Variants in SIPA1L2 observed in about 807,000 individuals in gnomAD.
The protein encoded by SIPA1L2 is signal-induced proliferation-associated 1-like protein 2.
In SIPA1L2, 56 loss-of-function variants were observed where a neutral mutation model predicts 163.9. That is an observed-to-expected ratio of 0.34 (90% CI 0.28 to 0.43). The LOEUF (loss-of-function observed/expected upper bound fraction) is 0.43, where lower values mean the gene tolerates loss of function less well. SIPA1L2 is among the 20% of genes least tolerant of loss of function. The pLI is 1.00. For synonymous variants in SIPA1L2, 877 were observed against 865.7 expected, an observed-to-expected ratio of 1.01 and a Z score of -0.23; for missense variants, 1,974 against 2,193.5, an observed-to-expected ratio of 0.90 and a Z score of 2.00.
chr1:232,486,409 C>G lies in SIPA1L2; in HGVS notation c.1807-2443G>C, dbSNP rs116193349. ...ACACCAGCCTGTGTCTAGATCCTAA[C>G]AGGATCTAGAACAGGATTTGCATTT... On this transcript the variant is annotated intron_variant, in intron 5 of 22. Transcript: ENST00000674635. 4.1e-3 allele frequency among the ~76,000 whole-genome samples: 625 copies of G among 152,296 alleles called. 7 individuals carry two copies. The highest frequency in any genetic ancestry group is 0.014 in the African/African-American group (596 of 41,568).
chr1:232,540,792 G>A (rs936933415), intron 2 of SIPA1L2, among the ~76,000 whole-genome samples: 1 of 152,088 alleles, frequency 6.6e-6, no homozygotes, highest in African/African-American at 2.4e-5. Context: ...TTTAAAATTT[G>A]ACCAGAATTA....
At chr1:232,499,751 A>G (rs1221266523) in intron 3 of SIPA1L2, among the ~76,000 whole-genome samples, 1 of 152,218 alleles carries the variant, frequency 6.6e-6, no homozygotes, top group Non-Finnish European at 1.5e-5. Flanking sequence ...GCCATCCAGA[A>G]TTTTCATAGC....
chr1:232,420,439 G>A (rs748461889), intron 18 of SIPA1L2, among the ~76,000 whole-genome samples: 3 of 152,132 alleles, frequency 2.0e-5, no homozygotes, highest in Non-Finnish European at 2.9e-5. Context: ...TCAGTTGTAC[G>A]GTTTTATACG....
intron 4 of SIPA1L2, among the ~76,000 whole-genome samples, chr1:232,492,561 G>A (rs1380174372): frequency 6.6e-6 from 1 of 152,160 alleles, no homozygotes; most frequent in Non-Finnish European, 1.5e-5. Flanking sequence ...AGCTATACAT[G>A]TTGTATAATT....
At chr1:232,603,609 G>T (rs557488797) in intron 1 of SIPA1L2, among the ~76,000 whole-genome samples, 1 of 152,102 alleles carries the variant, frequency 6.6e-6, no homozygotes, top group Non-Finnish European at 1.5e-5. Flanking sequence ...GCCAGATGAC[G>T]AAAGCCATGG....
At chr1:232,612,384 G>T (rs947831757) in intron 1 of SIPA1L2, among the ~76,000 whole-genome samples, 1 of 151,092 alleles carries the variant, frequency 6.6e-6, no homozygotes, top group East Asian at 1.9e-4. Context: ...TGCACCGTTC[G>T]CCTGGAAAAG....
intron 15 of SIPA1L2, among the ~76,000 whole-genome samples, chr1:232,434,590 C>T (rs969690282): frequency 2.0e-5 from 3 of 152,250 alleles, no homozygotes; most frequent in Non-Finnish European, 4.4e-5. Context: ...GGCAAGCAAT[C>T]AACAGGCATG....
intron 8 of SIPA1L2, among the ~76,000 whole-genome samples, chr1:232,468,675 T>C (rs1664646846): frequency 6.6e-6 from 1 of 152,356 alleles, no homozygotes; most frequent in East Asian, 1.9e-4. Context: ...TGTCAGAAGA[T>C]GTTACATATT....
intron 2 of SIPA1L2, among the ~76,000 whole-genome samples, chr1:232,559,783 TG>T (rs1248852461): frequency 3.3e-5 from 5 of 152,212 alleles, no homozygotes; most frequent in African/African-American, 1.2e-4. Context: ...AAAGAAGCCT[TG>T]GTTCAAAATA....
At chr1:232,430,372 T>C (rs1168050560) in intron 16 of SIPA1L2, among the ~76,000 whole-genome samples, 1 of 152,236 alleles carries the variant, frequency 6.6e-6, no homozygotes, top group Non-Finnish European at 1.5e-5. Flanking sequence ...GCTGATATTA[T>C]TTAAAAATGT....
At chr1:232,466,088 C>A (rs1396520686) in intron 8 of SIPA1L2, among the ~76,000 whole-genome samples, 1 of 152,126 alleles carries the variant, frequency 6.6e-6, no homozygotes, top group Non-Finnish European at 1.5e-5. Flanking sequence ...GTAACACATC[C>A]ACAGCATGTG....
chr1:232,445,790 T>C lies in SIPA1L2; in HGVS notation c.3096-4A>G, dbSNP rs752313877. ...CCGGCAGAGCTCTGAACACCCTCTGTTGGGCCAAGAAGAAATGGTGAGAAG... is the reference window on the plus strand; with the variant it reads ...CCGGCAGAGCTCTGAACACCCTCTGCTGGGCCAAGAAGAAATGGTGAGAAG... On this transcript the variant is annotated splice_polypyrimidine_tract_variant and splice_region_variant and intron_variant, in intron 10 of 22. Transcript: ENST00000674635. 2 of 1,611,206 alleles carry C rather than the reference T, an allele frequency of 1.2e-6. No individual in the cohort carries two copies. Among genetic ancestry groups the C allele is most frequent in the South Asian group, 1.1e-5 (1 of 90,708 alleles).
chr1:232,404,492 G>T (rs898281018), intron 19 of SIPA1L2, among the ~76,000 whole-genome samples: 1 of 152,192 alleles, frequency 6.6e-6, no homozygotes, highest in African/African-American at 2.4e-5. Flanking sequence ...GAGAGTGGTG[G>T]TAAGAGAGAT....
rs192626930 is a variant in SIPA1L2 at position 232,461,176 on chromosome 1, G to C, written c.2821-15C>G. On this transcript the variant is annotated splice_polypyrimidine_tract_variant and intron_variant, in intron 9 of 22. Transcript: ENST00000674635. Reference sequence around the variant, plus strand: ...CTCGTCACTATCTAAGGGGGAAGGAGACTGTTAGAGATGCCCTTCCTGCCC... The same window carrying C: ...CTCGTCACTATCTAAGGGGGAAGGACACTGTTAGAGATGCCCTTCCTGCCC... The C allele has an allele frequency of 6.2e-7, 1 of 1,608,644 alleles. No individual in the cohort carries two copies. Among genetic ancestry groups the C allele is most frequent in the East Asian group, 2.2e-5 (1 of 44,828 alleles).
At position 232,407,251 on chromosome 1, in the gene SIPA1L2, T is replaced by C. The variant is rs145962122; in HGVS notation, c.4763-3073A>G. Among the ~76,000 whole-genome samples the C allele has an allele frequency of 3.2e-4, 49 of 152,204 alleles. No individual in the cohort carries two copies. In the East Asian group the frequency reaches 4.2e-3, roughly 13 times the overall value. ...AATTTGACTTTGCATTTTTCACCCA[T>C]GTGGTAGTCATTTTTCTTTCCATTT... On this transcript the variant is annotated intron_variant, in intron 19 of 22. Coordinates refer to ENST00000674635, the MANE Select transcript of SIPA1L2 (RefSeq NM_020808.5).
chr1:232,559,970 C>T (rs1276974062), intron 2 of SIPA1L2, among the ~76,000 whole-genome samples: 6 of 152,204 alleles, frequency 3.9e-5, no homozygotes, highest in Admixed American at 6.5e-5. Flanking sequence ...GCAAATCCGT[C>T]TGGAAACAAA....
In SIPA1L2 at chr1:232,464,822, T is replaced by C. The variant is rs759417632; in HGVS notation, c.2820+18A>G. ...TGAAAACATAAGGATGGCGGGAAAATAGAAAACATGTACTTACTACTAATC... is the reference window on the plus strand; with the variant it reads ...TGAAAACATAAGGATGGCGGGAAAACAGAAAACATGTACTTACTACTAATC... On this transcript the variant is annotated intron_variant, in intron 9 of 22. Transcript: ENST00000674635. 1.3e-6 allele frequency: 2 copies of C among 1,540,816 alleles called. No homozygotes were observed. The highest frequency in any genetic ancestry group is 8.7e-7 in the Non-Finnish European group (1 of 1,144,326).
chr1:232,551,610 C>T (rs927404014), intron 2 of SIPA1L2, among the ~76,000 whole-genome samples: 2 of 152,224 alleles, frequency 1.3e-5, no homozygotes, highest in African/African-American at 2.4e-5. Flanking sequence ...GAGAAGAAGG[C>T]CTGGAAAGAC....
chr1:232,428,967 G>T lies in SIPA1L2; in HGVS notation c.4257-403C>A, dbSNP rs540138865. 8.4e-4 allele frequency among the ~76,000 whole-genome samples: 128 copies of T among 152,280 alleles called. No homozygotes were observed. The Middle Eastern group carries it at 0.017, about 20-fold the overall frequency. On this transcript the variant is annotated intron_variant, in intron 16 of 22. Transcript: ENST00000674635. ...GCGGCTGGACAACCAGAGCCCCGAT[G>T]GCACCCAGGCAACAGAGAGGAAGCC...
Sources: allele counts gnomAD v4.1 joint callset (sites outside exome capture counted in the v4.1 genomes callset), GRCh38; gene constraint gnomAD v4.1.1; transcripts MANE v1.5; gene names NCBI Gene and HGNC (gene_info 2026-07-23, HGNC 2026-07-21).